DCT: variants seen among roughly 807,000 people sequenced by gnomAD.
DCT encodes dopachrome tautomerase.
In DCT, 47 loss-of-function variants were observed where a neutral mutation model predicts 53.0. That is an observed-to-expected ratio of 0.89 (90% CI 0.70 to 1.13). DCT has a LOEUF of 1.13. DCT is among the 50% of genes most tolerant of loss of function. The pLI, the probability that DCT is intolerant of heterozygous loss-of-function variation, is 0.00. For synonymous variants in DCT, 244 were observed against 237.0 expected (o/e 1.03, Z -0.27); for missense variants, 669 against 637.4 (o/e 1.05, Z -0.53).
Position 94,438,375 on chromosome 13 carries a change from C to T in DCT, c.*1523G>A. 4.2e-6 allele frequency: 1 copy of T among 235,704 alleles called. No individual in the cohort carries two copies. The highest frequency in any genetic ancestry group is 8.6e-6 in the Non-Finnish European group (1 of 116,094). The allele number at this position is 235,704 out of a possible 1,614,324, so 14.6% of individuals were successfully genotyped here. A position where few individuals can be genotyped will look rare whatever the true frequency, so the allele number is the denominator to read the frequency against. On this transcript the variant is annotated 3_prime_UTR_variant, in exon 8 of 8. Transcript: ENST00000377028. ...AGCCTGCTCTCAGATGCACCTGTAG[C>T]TTTATGAGATTCAAATTCAGTTCCA... is the stretch of plus-strand genomic sequence containing the variant.
the DCT span, among the ~76,000 whole-genome samples, chr13:94,493,040 C>T: frequency 2.0e-5 from 3 of 152,276 alleles, no homozygotes; most frequent in East Asian, 1.9e-4. Flanking sequence ...GTGCTTGGAA[C>T]GTTCATTGTA....
the DCT span, among the ~76,000 whole-genome samples, chr13:94,526,660 T>C: frequency 6.6e-6 from 1 of 152,100 alleles, no homozygotes; most frequent in Non-Finnish European, 1.5e-5. Flanking sequence ...GATTCCAAGA[T>C]GGCCGAATAG....
chr13:94,515,944 AC>A, the DCT span, among the ~76,000 whole-genome samples: 1 of 152,300 alleles, frequency 6.6e-6, no homozygotes, highest in African/African-American at 2.4e-5. Context: ...AAATGGAATC[AC>A]CCAGAGAGAA....
At chr13:94,454,686 C>T (rs1206662440) in intron 6 of DCT, among the ~76,000 whole-genome samples, 20 of 152,056 alleles carry the variant, frequency 1.3e-4, no homozygotes, top group Admixed American at 1.3e-3. Context: ...ATGTCATGTG[C>T]AATATATTTG....
chr13:94,470,671 C>T (rs1884585302), intron 1 of DCT, among the ~76,000 whole-genome samples: 1 of 152,176 alleles, frequency 6.6e-6, no homozygotes, highest in Non-Finnish European at 1.5e-5. Context: ...TTCCTTCTTC[C>T]TGAAACACTT....
chr13:94,527,677 G>A, the DCT span, among the ~76,000 whole-genome samples: 1 of 152,110 alleles, frequency 6.6e-6, no homozygotes, highest in Admixed American at 6.5e-5. Context: ...ACAAAGATGG[G>A]GAGAAACCAG....
chr13:94,464,099 T>C (rs9524501), intron 4 of DCT, among the ~76,000 whole-genome samples: 23,798 of 152,230 alleles, frequency 0.16, 1,985 homozygotes, highest in South Asian at 0.24. Context: ...TTGATGGAAT[T>C]AAGCTCAGTC....
chr13:94,545,446 A>G, the DCT span, among the ~76,000 whole-genome samples: 1 of 152,124 alleles, frequency 6.6e-6, no homozygotes. Flanking sequence ...TTAATTCCAA[A>G]TGACCAGGAA....
chr13:94,490,322 T>A, the DCT span, among the ~76,000 whole-genome samples: 3 of 151,756 alleles, frequency 2.0e-5, no homozygotes, highest in East Asian at 3.9e-4. Context: ...CTGACCAATA[T>A]TGTATAATCC....
In DCT at chr13:94,479,059, G is replaced by T. The variant is rs774687446; in HGVS notation, c.197C>A (p.Ala66Asp). Reference sequence around the variant, plus strand: ...GGGACCACTCCAGGGCCTTGTGTCGGCTCGCACCTCTGTGCACTGCCCCCG... The same window carrying T: ...GGGACCACTCCAGGGCCTTGTGTCGTCTCGCACCTCTGTGCACTGCCCCCG... ...QGRGQCTEVRADTRPWSGPYI... is the reference protein window; with the variant it reads ...QGRGQCTEVRDDTRPWSGPYI... The change falls in exon 1 of 8, where the codon GCC becomes GAC. Residue 66 changes from alanine (A) to aspartate (D), a missense_variant. Physicochemically the swap from Ala to Asp is moderately radical, Grantham distance 126 (BLOSUM62 -2). Transcript: ENST00000377028. The T allele has an allele frequency of 5.0e-6, 8 of 1,614,088 alleles. No individual in the cohort carries two copies. The highest frequency in any genetic ancestry group is 6.8e-6 in the Non-Finnish European group (8 of 1,180,048).
the DCT span, among the ~76,000 whole-genome samples, chr13:94,497,516 T>C: frequency 3.3e-5 from 5 of 152,194 alleles, no homozygotes; most frequent in East Asian, 7.7e-4. Flanking sequence ...ACCAATAACA[T>C]AAATAGTCAA....
At chr13:94,538,378 G>T in the DCT span, among the ~76,000 whole-genome samples, 286 of 152,306 alleles carry the variant, frequency 1.9e-3, 1 homozygote, top group African/African-American at 6.5e-3. Context: ...ACACAGGCAG[G>T]GGGTGAGCCT....
chr13:94,450,517 T>A (rs1047426367), intron 6 of DCT, among the ~76,000 whole-genome samples: 9 of 152,142 alleles, frequency 5.9e-5, no homozygotes, highest in Non-Finnish European at 1.2e-4. Flanking sequence ...AATAGCCTTG[T>A]ATACTATATG....
At chr13:94,523,033 A>G in the DCT span, among the ~76,000 whole-genome samples, 1 of 152,222 alleles carries the variant, frequency 6.6e-6, no homozygotes, top group African/African-American at 2.4e-5. Context: ...CCAACATGCA[A>G]TCACCAGAGA....
the DCT span, among the ~76,000 whole-genome samples, chr13:94,531,132 A>C: frequency 6.6e-6 from 1 of 152,222 alleles, no homozygotes; most frequent in Non-Finnish European, 1.5e-5. Flanking sequence ...TGTTCAACGA[A>C]ATAAAAGAGG....
chr13:94,529,652 T>C, the DCT span, among the ~76,000 whole-genome samples: 4 of 152,034 alleles, frequency 2.6e-5, no homozygotes, highest in African/African-American at 9.6e-5. Flanking sequence ...TGTGTAGAGG[T>C]AAATTTATAG....
intron 7 of DCT, 120 bp downstream of exon 7, chr13:94,443,316 C>CT: frequency 1.3e-6 from 1 of 774,738 alleles, no homozygotes; most frequent in Non-Finnish European, 2.1e-6. Flanking sequence ...GGTCAATAAA[C>CT]TTAACTAGAC....
Position 94,462,154 on chromosome 13 carries a change from T to C in DCT, c.899A>G (p.Asn300Ser), listed in dbSNP as rs1289077842. The C allele has an allele frequency of 2.5e-6, 4 of 1,613,514 alleles. No individual in the cohort carries two copies. The highest frequency in any genetic ancestry group is 3.4e-6 in the Non-Finnish European group (4 of 1,179,720). ...DDYNHLVTLCNGTYEGLLRRN... is the reference protein window; with the variant it reads ...DDYNHLVTLCSGTYEGLLRRN... Reference sequence around the variant, plus strand: ...TCTCAGCAAACCTTCATAGGTTCCATTGCACAAGGTGACCAGGTGGTTGTA... The same window carrying C: ...TCTCAGCAAACCTTCATAGGTTCCACTGCACAAGGTGACCAGGTGGTTGTA... Residue 300 changes from asparagine to serine, a missense_variant, in exon 5 of 8, where the codon AAT becomes AGT. Physicochemically the swap from Asn to Ser is conservative, Grantham distance 46 (BLOSUM62 1). Transcript: ENST00000377028.
intron 4 of DCT, among the ~76,000 whole-genome samples, chr13:94,463,285 C>CT (rs34241046): frequency 0.013 from 1,742 of 131,316 alleles, 19 homozygotes; most frequent in African/African-American, 0.017. Flanking sequence ...TACTGGCTAA[C>CT]TTTTTTTTTT....
Sources: gnomAD v4.1 joint callset for allele counts (sites outside exome capture counted in the v4.1 genomes callset) on GRCh38, gnomAD v4.1.1 for gene constraint, MANE v1.5 for transcripts, NCBI Gene and HGNC (gene_info 2026-07-23, HGNC 2026-07-21) for gene names.